The following ATP8A2 variants were observed in gnomAD, a reference collection of about 807,000 sequenced individuals.
The protein encoded by ATP8A2 is ATPase phospholipid transporting 8A2.
Under a neutral mutation model 165.6 loss-of-function variants are expected in ATP8A2, and 100 were observed. The ratio of observed to expected loss-of-function variants is 0.60; its 90% CI spans 0.51 to 0.71. The LOEUF (loss-of-function observed/expected upper bound fraction) is 0.71, where lower values mean the gene tolerates loss of function less well. ATP8A2 is among the 30% of genes least tolerant of loss of function. The pLI is 0.00. For synonymous variants in ATP8A2, 543 were observed against 548.8 expected (o/e 0.99, Z 0.15); for missense variants, 1,227 against 1,479.5 (o/e 0.83, Z 2.80).
At chr13:25,771,032 C>G (rs895402117) in intron 26 of ATP8A2, among the ~76,000 whole-genome samples, 2 of 152,232 alleles carry the variant, frequency 1.3e-5, no homozygotes, top group African/African-American at 4.8e-5. Context: ...GGTTTCTTCT[C>G]AGCTCACAGT....
intron 35 of ATP8A2, among the ~76,000 whole-genome samples, chr13:25,985,945 A>G (rs1248415092): frequency 6.6e-6 from 1 of 152,202 alleles, no homozygotes; most frequent in Non-Finnish European, 1.5e-5. Context: ...GAATATTCAC[A>G]TGTCTCCTTC....
At position 25,947,979 on chromosome 13, in the gene ATP8A2, A is replaced by G. The variant is rs376210168; in HGVS notation, c.3184-13596A>G. Reference sequence around the variant, plus strand: ...GACGTTCACCTGCACCTATTAATTAAAATAGAAGACACCCAATGGGCATTG... The same window carrying G: ...GACGTTCACCTGCACCTATTAATTAGAATAGAAGACACCCAATGGGCATTG... On this transcript the variant is annotated intron_variant, in intron 33 of 36. Coordinates refer to ENST00000381655, the MANE Select transcript of ATP8A2 (RefSeq NM_016529.6). Among the ~76,000 whole-genome samples, 6 of 152,262 alleles carry G rather than the reference A, an allele frequency of 3.9e-5. No individual in the cohort carries two copies. The East Asian group carries it at 9.6e-4, about 24-fold the overall frequency.
chr13:25,379,798 C>T (rs2032773822), intron 1 of ATP8A2, among the ~76,000 whole-genome samples: 1 of 152,174 alleles, frequency 6.6e-6, no homozygotes, highest in South Asian at 2.1e-4. Flanking sequence ...CCCCAGGTTA[C>T]TCTGCTGTCC....
At chr13:25,557,725 T>A (rs1379564309) in intron 13 of ATP8A2, among the ~76,000 whole-genome samples, 2 of 152,146 alleles carry the variant, frequency 1.3e-5, no homozygotes, top group African/African-American at 2.4e-5. Flanking sequence ...CTGAATAATT[T>A]AAGGATTGAA....
In ATP8A2 at chr13:25,604,446, T is replaced by G. The variant is rs75316796; in HGVS notation, c.2211+14747T>G. On this transcript the variant is annotated intron_variant, in intron 24 of 36. Coordinates refer to ENST00000381655, the MANE Select transcript of ATP8A2 (RefSeq NM_016529.6). ...AGTTTACAGTGAGTTTTGCTGAAAC[T>G]TCTTGTAGGTCTTAGGTTAGCATGG... Among the ~76,000 whole-genome samples the G allele has an allele frequency of 5.3e-3, 804 of 152,304 alleles. 8 individuals carry two copies. Among genetic ancestry groups the G allele is most frequent in the South Asian group, 0.021 (99 of 4,828 alleles).
At chr13:26,001,781 A>C (rs1445321731) in intron 35 of ATP8A2, among the ~76,000 whole-genome samples, 1 of 152,116 alleles carries the variant, frequency 6.6e-6, no homozygotes, top group African/African-American at 2.4e-5. Context: ...GACCTTTATC[A>C]GATATGATTT....
At chr13:25,484,672 G>T (rs2137603588) in intron 2 of ATP8A2, among the ~76,000 whole-genome samples, 1 of 151,974 alleles carries the variant, frequency 6.6e-6, no homozygotes, top group South Asian at 2.1e-4. Context: ...TCACCAGCAG[G>T]CCCGGCTAAT....
At chr13:25,637,877 C>T (rs992212512) in intron 24 of ATP8A2, among the ~76,000 whole-genome samples, 5 of 152,204 alleles carry the variant, frequency 3.3e-5, no homozygotes, top group African/African-American at 1.2e-4. Flanking sequence ...AGACTGACAC[C>T]TCACACGGCC....
rs201904651 is a variant in ATP8A2 at position 25,564,027 on chromosome 13, G to T, written c.1469G>T (p.Arg490Leu). 1.2e-6 allele frequency: 2 copies of T among 1,609,716 alleles called. No homozygotes were observed. ...AGGCTGTTGAAGAACATTGAGGATC[G>T]CCATGTAAGTGCTCTGTTTTACTTC... ...DPRLLKNIED[R>L]HPTAPCIQEF... Residue 490 changes from arginine to leucine, a missense_variant, in exon 16 of 37, where the codon CGC becomes CTC. Physicochemically the swap from Arg to Leu is moderately radical, Grantham distance 102. Around this residue, in one of 5 missense-constraint regions of ATP8A2, gnomAD observed 592 missense variants for 785.6 expected, o/e 0.75. Transcript: ENST00000381655.
chr13:25,883,130 G>A (rs1053230645), intron 33 of ATP8A2, among the ~76,000 whole-genome samples: 4 of 152,082 alleles, frequency 2.6e-5, no homozygotes, highest in African/African-American at 9.7e-5. Context: ...TCTGACCTCA[G>A]GCTGTCTCCA....
rs148045313 is a variant in ATP8A2, at chr13:25,557,784, G to C, written c.1264-1189G>C. Among the ~76,000 whole-genome samples the C allele has an allele frequency of 1.7e-4, 26 of 152,254 alleles. No homozygotes were observed. The East Asian group carries it at 4.8e-3, about 28-fold the overall frequency. ...TGCTTCAGTAGTTCATCCTAATTGA[G>C]GATATGGGGAAAGTTTGCATGAGGA... On this transcript the variant is annotated intron_variant, in intron 13 of 36. Transcript: ENST00000381655.
chr13:25,756,335 T>G (rs531716937), intron 25 of ATP8A2, among the ~76,000 whole-genome samples: 53 of 151,590 alleles, frequency 3.5e-4, no homozygotes, highest in African/African-American at 1.2e-3. Context: ...TTCTTTTTTT[T>G]TTTTTTTTTG....
chr13:25,515,039 T>A (rs1159647417), intron 2 of ATP8A2, among the ~76,000 whole-genome samples: 1 of 152,168 alleles, frequency 6.6e-6, no homozygotes, highest in Non-Finnish European at 1.5e-5. Flanking sequence ...GCAGGTGGAC[T>A]CCCTAGTGTG....
chr13:25,583,722 A>C lies in ATP8A2; in HGVS notation c.2146+1765A>C, dbSNP rs146928948. Among the ~76,000 whole-genome samples, 16 of 152,336 alleles carry C rather than the reference A, an allele frequency of 1.1e-4. No individual in the cohort carries two copies. The East Asian group carries it at 3.1e-3, about 29-fold the overall frequency. On this transcript the variant is annotated intron_variant, in intron 23 of 36. Coordinates refer to ENST00000381655, the MANE Select transcript of ATP8A2 (RefSeq NM_016529.6). ...AGAAAACACAAATGGATTATTACTC[A>C]AAAACGAAAGTTTTACTTGTATGTG...
In ATP8A2 at chr13:25,538,319, A is replaced by T. The variant is rs115113748; in HGVS notation, c.581+258A>T. Among the ~76,000 whole-genome samples the T allele has an allele frequency of 5.8e-3, 880 of 151,298 alleles. 7 individuals carry two copies. Among genetic ancestry groups the T allele is most frequent in the African/African-American group, 0.019 (777 of 41,154 alleles). The stretch of plus-strand genomic sequence containing the variant: ...CCTGGCTATTTGGGGTTTTTTTCTT[A>T]TTTATAGGGGCACTGAGTCAAGAGC... On this transcript the variant is annotated intron_variant, in intron 7 of 36. Coordinates refer to ENST00000381655, the MANE Select transcript of ATP8A2 (RefSeq NM_016529.6).
chr13:25,572,123 ATC>A (rs10552616), intron 18 of ATP8A2, among the ~76,000 whole-genome samples: 274 of 149,454 alleles, frequency 1.8e-3, no homozygotes, highest in Middle Eastern at 7.0e-3. Flanking sequence ...CAGCGTTAAG[ATC>A]TCTCTCTCTC....
At chr13:25,610,232 AT>A (rs1278673247) in intron 24 of ATP8A2, among the ~76,000 whole-genome samples, 1 of 152,080 alleles carries the variant, frequency 6.6e-6, no homozygotes, top group South Asian at 2.1e-4. Flanking sequence ...ATCTTCTGGA[AT>A]TTTTATGGTT....
At position 25,534,181 on chromosome 13, in the gene ATP8A2, G is replaced by A. The variant is rs1043090278; in HGVS notation, c.507+868G>A. On this transcript the variant is annotated intron_variant, in intron 6 of 36. Coordinates refer to ENST00000381655, the MANE Select transcript of ATP8A2 (RefSeq NM_016529.6). ...TTCGTTTTACTTTACTTTGTTTTAG[G>A]AGAATTCGCCACCCTTTAAAGAAAT... The A allele has an allele frequency of 5.6e-6, 3 of 532,610 alleles. No homozygotes were observed. In the African/African-American group the frequency reaches 5.8e-5, roughly 10 times the overall value. The allele number at this position is 532,610 out of a possible 1,614,324, so 33.0% of individuals were successfully genotyped here. A position where few individuals can be genotyped will look rare whatever the true frequency, so the allele number is the denominator to read the frequency against.
intron 26 of ATP8A2, among the ~76,000 whole-genome samples, chr13:25,772,381 C>G (rs1426606606): frequency 6.6e-6 from 1 of 152,142 alleles, no homozygotes; most frequent in Non-Finnish European, 1.5e-5. Context: ...AGTTTAACAT[C>G]AGGGGGTCCC....
Sources: gnomAD v4.1 joint callset for allele counts (sites outside exome capture counted in the v4.1 genomes callset) on GRCh38, gnomAD v4.1.1 for gene constraint, gnomAD v4.1.1 regional missense constraint, MANE v1.5 for transcripts, NCBI Gene and HGNC (gene_info 2026-07-23, HGNC 2026-07-21) for gene names.